ZNF267: variants seen among roughly 807,000 people sequenced by gnomAD.
The protein encoded by ZNF267 is zinc finger protein 267.
A neutral mutation model predicts 71.6 loss-of-function variants in ZNF267; 61 were observed. The observed-to-expected ratio is 0.85, with a 90% CI of 0.69 to 1.05. The LOEUF (loss-of-function observed/expected upper bound fraction) is 1.05. Among genes scored for constraint, ZNF267 ranks in the 50% least tolerant of loss-of-function variants. ZNF267 has a pLI of 0.00. For synonymous variants in ZNF267, 288 were observed against 293.2 expected, an observed-to-expected ratio of 0.98 and a Z score of 0.18; for missense variants, 852 against 870.0, an observed-to-expected ratio of 0.98 and a Z score of 0.26.
At chr16:31,877,201 A>G (rs2083858402) in intron 1 of ZNF267, among the ~76,000 whole-genome samples, 1 of 151,542 alleles carries the variant, frequency 6.6e-6, no homozygotes, top group African/African-American at 2.4e-5. Context: ...CAAATCTACC[A>G]CTGTGTTCCC....
At chr16:31,914,412 G>C in intron 3 of ZNF267, 64 bp from the exon 4 acceptor site, 4 of 1,388,976 alleles carry the variant, frequency 2.9e-6, no homozygotes, top group Non-Finnish European at 3.9e-6. Flanking sequence ...TTGTATATTA[G>C]ATTTGTAAAA....
chr16:31,915,949 A>G lies in ZNF267; in HGVS notation c.1700A>G (p.His567Arg), dbSNP rs868493070. ...FPYSSHLIRH[H>R]RIHTGEKPYK... ...TATAGTTCACACCTTATTCGACATC[A>G]TCGAATTCATACTGGAGAAAAACCA... Residue 567 changes from histidine to arginine, a missense_variant, in exon 4 of 4, where the codon CAT becomes CGT. Physicochemically the swap from His to Arg is conservative, Grantham distance 29 (BLOSUM62 0). Coordinates refer to ENST00000300870, the MANE Select transcript of ZNF267 (RefSeq NM_003414.6). The G allele has an allele frequency of 6.8e-6, 11 of 1,613,654 alleles. No individual in the cohort carries two copies. Among genetic ancestry groups the G allele is most frequent in the Non-Finnish European group, 9.3e-6 (11 of 1,179,944 alleles).
At chr16:31,894,597 A>G in intron 3 of ZNF267, 1 of 487,364 alleles carries the variant, frequency 2.1e-6, no homozygotes, top group Non-Finnish European at 4.1e-6. Flanking sequence ...TGTGCTGTTC[A>G]GATAATGACT....
At position 31,914,526 on chromosome 16, in the gene ZNF267, G is replaced by GCACTGCA. The variant is rs2084157968; in HGVS notation, c.278_279insACTGCAC (p.Ser94LeufsTer16). 14 of 1,613,774 alleles carry GCACTGCA rather than the reference G, an allele frequency of 8.7e-6. No individual in the cohort carries two copies. Among genetic ancestry groups the GCACTGCA allele is most frequent in the Non-Finnish European group, 1.2e-5 (14 of 1,179,946 alleles). ...CCTGTTGACAGAGCACTGCACAGAA[G>GCACTGCA]CTTCATTCCAAAAAGTGATATCGAG... On this transcript the variant is annotated frameshift_variant, in exon 4 of 4. Transcript: ENST00000300870. LOFTEE classifies it high-confidence loss of function.
Position 31,914,841 on chromosome 16 carries a change from A to G in ZNF267, c.592A>G (p.Arg198Gly). The change falls in exon 4 of 4, where the codon AGG (arginine) becomes GGG (glycine). Residue 198 changes from arginine (R) to glycine (G), a missense_variant. Arg to Gly is a moderately radical substitution (Grantham distance 125). Coordinates refer to ENST00000300870, the MANE Select transcript of ZNF267 (RefSeq NM_003414.6). ...ATATGATAAAACTTCAGTGTTATTT[A>G]GGCAGGTCTCTACTCTAAATAGTTA... ...HIYDKTSVLF[R>G]QVSTLNSYRN... The G allele has an allele frequency of 6.2e-7, 1 of 1,611,054 alleles. No individual in the cohort carries two copies.
intron 3 of ZNF267, among the ~76,000 whole-genome samples, chr16:31,893,294 T>TAGGCCCA (rs2083974020): frequency 1.3e-5 from 2 of 152,230 alleles, no homozygotes; most frequent in South Asian, 4.1e-4. Flanking sequence ...GCAGGCAGCA[T>TAGGCCCA]GGGGACCCTG....
chr16:31,894,464 T>C (rs2083982888), intron 3 of ZNF267: 1 of 452,958 alleles, frequency 2.2e-6, no homozygotes. Flanking sequence ...GTTTTTTTTT[T>C]CTGACTATTC....
At chr16:31,892,283 A>G (rs1236473200) in intron 3 of ZNF267, among the ~76,000 whole-genome samples, 2 of 152,282 alleles carry the variant, frequency 1.3e-5, no homozygotes, top group East Asian at 3.9e-4. Flanking sequence ...ATCTCCTGAG[A>G]CTTATTCATT....
At chr16:31,903,401 G>C (rs1170856860) in intron 3 of ZNF267, among the ~76,000 whole-genome samples, 1 of 152,172 alleles carries the variant, frequency 6.6e-6, no homozygotes, top group Non-Finnish European at 1.5e-5. Context: ...GAATTCAGCT[G>C]TGAATCCATC....
intron 3 of ZNF267, among the ~76,000 whole-genome samples, chr16:31,897,735 G>T (rs2084010647): frequency 6.6e-6 from 1 of 152,108 alleles, no homozygotes; most frequent in Non-Finnish European, 1.5e-5. Context: ...AAACAAGTTT[G>T]TGTGTTTGAG....
At chr16:31,894,703 G>T in intron 3 of ZNF267, 1 of 476,994 alleles carries the variant, frequency 2.1e-6, no homozygotes, top group South Asian at 1.7e-5. Context: ...CTCATGCCTG[G>T]AGACAGGGCA....
intron 3 of ZNF267, among the ~76,000 whole-genome samples, chr16:31,888,495 A>C (rs894621602): frequency 6.6e-6 from 1 of 152,056 alleles, no homozygotes; most frequent in Admixed American, 6.5e-5. Flanking sequence ...GTTGAGATGG[A>C]TACTTTTGTA....
intron 3 of ZNF267, among the ~76,000 whole-genome samples, chr16:31,906,133 A>T (rs574413824): frequency 6.6e-6 from 1 of 152,274 alleles, no homozygotes; most frequent in Admixed American, 6.5e-5. Flanking sequence ...CTGCCTGATC[A>T]TTCCTCTGGA....
rs1280688658 is a variant in ZNF267 at position 31,916,582 on chromosome 16, G to A, written c.*101G>A. 4 of 1,165,792 alleles carry A rather than the reference G, an allele frequency of 3.4e-6. No homozygotes were observed. The East Asian group carries it at 7.6e-5, about 22-fold the overall frequency. The allele number at this position is 1,165,792 out of a possible 1,614,324, so 72.2% of individuals were successfully genotyped here. A position where few individuals can be genotyped will look rare whatever the true frequency, so the allele number is the denominator to read the frequency against. ...AAACCCTACAAATGTTAAGAATGTG[G>A]CATAACCTTTAACTATTTTCAAGCC... On this transcript the variant is annotated 3_prime_UTR_variant, in exon 4 of 4. Transcript: ENST00000300870.
intron 3 of ZNF267, among the ~76,000 whole-genome samples, chr16:31,905,459 A>G (rs1260887419): frequency 1.3e-5 from 2 of 152,162 alleles, no homozygotes; most frequent in Middle Eastern, 3.4e-3. Context: ...ACATAATCCC[A>G]TATTTCTTGG....
chr16:31,905,062 T>C (rs1351211935), intron 3 of ZNF267, among the ~76,000 whole-genome samples: 2 of 152,160 alleles, frequency 1.3e-5, no homozygotes, highest in Non-Finnish European at 2.9e-5. Context: ...TTTGGCTGGA[T>C]ATGAAATTCT....
At position 31,915,481 on chromosome 16, in the gene ZNF267, A is replaced by C. The variant is rs1163807773; in HGVS notation, c.1232A>C (p.Lys411Thr). ...IHTGEKPYKC[K>T]ECGKAFRCSS... ...ACTGGAGAGAAACCATACAAATGTA[A>C]AGAATGTGGCAAAGCCTTTCGCTGT... is the stretch of plus-strand genomic sequence containing the variant. The change falls in exon 4 of 4, where the codon AAA becomes ACA. Residue 411 changes from lysine (K) to threonine (T), a missense_variant. Coordinates refer to ENST00000300870, the MANE Select transcript of ZNF267 (RefSeq NM_003414.6). 10 of 1,613,702 alleles carry C rather than the reference A, an allele frequency of 6.2e-6. No individual in the cohort carries two copies. Among genetic ancestry groups the C allele is most frequent in the Non-Finnish European group, 8.5e-6 (10 of 1,179,914 alleles).
intron 1 of ZNF267, among the ~76,000 whole-genome samples, chr16:31,877,046 T>G (rs561564994): frequency 6.6e-6 from 1 of 152,268 alleles, no homozygotes; most frequent in South Asian, 2.1e-4. Context: ...ATTGTGATTG[T>G]CCTGATTTTG....
rs751359399 is a variant in ZNF267, at chr16:31,916,310, C to T, written c.2061C>T (p.Pro687=). 2.5e-6 allele frequency: 4 copies of T among 1,613,836 alleles called. No individual in the cohort carries two copies. The highest frequency in any genetic ancestry group is 1.6e-4 in the Middle Eastern group (1 of 6,062). The part of the protein sequence containing the change: ...THRRRHTGER[P]YKCDECGKAF... The stretch of plus-strand genomic sequence containing the variant: ...GGAGAAGACATACTGGAGAGAGACC[C>T]TACAAATGTGATGAATGTGGTAAAG... The change falls in exon 4 of 4, where the codon CCC becomes CCT. Residue 687 remains proline (P), a synonymous_variant. Coordinates refer to ENST00000300870, the MANE Select transcript of ZNF267 (RefSeq NM_003414.6).
Sources: gnomAD v4.1 joint callset for allele counts (sites outside exome capture counted in the v4.1 genomes callset) on GRCh38, gnomAD v4.1.1 for gene constraint, MANE v1.5 for transcripts, NCBI Gene and HGNC (gene_info 2026-07-23, HGNC 2026-07-21) for gene names.